The following PRIMA1 variants were observed in gnomAD, a reference collection of about 807,000 sequenced individuals.
The protein encoded by PRIMA1 is proline rich membrane anchor 1.
A neutral mutation model predicts 17.5 loss-of-function variants in PRIMA1; 7 were observed. The ratio of observed to expected loss-of-function variants is 0.40; its 90% CI spans 0.23 to 0.75. PRIMA1 has a LOEUF of 0.75. Among genes scored for constraint, PRIMA1 ranks in the 30% least tolerant of loss-of-function variants. The probability of loss-of-function intolerance (pLI) is 0.37; values close to 1 mark genes in which losing one functional copy is unlikely to be tolerated. For missense variants in PRIMA1, 200 were observed against 201.8 expected (o/e 0.99, Z 0.05); for synonymous variants, 97 against 77.9 (o/e 1.25, Z -1.29).
intron 3 of PRIMA1, among the ~76,000 whole-genome samples, chr14:93,741,204 C>T (rs977520870): frequency 6.6e-6 from 1 of 152,232 alleles, no homozygotes; most frequent in African/African-American, 2.4e-5. Flanking sequence ...GCTTATTTAT[C>T]CTTGCTTGAG....
chr14:93,756,928 C>T (rs1315044398), intron 3 of PRIMA1, among the ~76,000 whole-genome samples: 1 of 152,168 alleles, frequency 6.6e-6, no homozygotes, highest in Admixed American at 6.5e-5. Flanking sequence ...CTGCCCTCCA[C>T]GGTACCCAGG....
chr14:93,777,182 T>C (rs1885243384), intron 3 of PRIMA1, among the ~76,000 whole-genome samples: 1 of 152,236 alleles, frequency 6.6e-6, no homozygotes, highest in Non-Finnish European at 1.5e-5. Flanking sequence ...GAGGCCCTTC[T>C]AGGTCCTCCT....
intron 4 of PRIMA1, among the ~76,000 whole-genome samples, chr14:93,722,396 T>C (rs934221730): frequency 2.0e-5 from 3 of 148,374 alleles, no homozygotes; most frequent in Admixed American, 6.7e-5. Flanking sequence ...ATGGTGGTAG[T>C]GGTGATGCTG....
chr14:93,769,532 CGT>C (rs1370220196), intron 3 of PRIMA1, among the ~76,000 whole-genome samples: 1 of 152,182 alleles, frequency 6.6e-6, no homozygotes, highest in African/African-American at 2.4e-5. Context: ...TGACATGGCC[CGT>C]GTTTGATGCC....
At chr14:93,750,080 G>A (rs2141171599) in intron 3 of PRIMA1, among the ~76,000 whole-genome samples, 2 of 152,244 alleles carry the variant, frequency 1.3e-5, no homozygotes, top group East Asian at 3.9e-4. Context: ...TACTTGGGAG[G>A]CTGAGGCAGG....
chr14:93,733,981 C>T (rs1319081512), intron 4 of PRIMA1, among the ~76,000 whole-genome samples: 1 of 152,184 alleles, frequency 6.6e-6, no homozygotes, highest in Non-Finnish European at 1.5e-5. Flanking sequence ...GGGGTTAGGC[C>T]GCCCTCCCCA....
chr14:93,759,746 A>G (rs2076315412), intron 3 of PRIMA1, among the ~76,000 whole-genome samples: 2 of 152,178 alleles, frequency 1.3e-5, no homozygotes, highest in African/African-American at 4.8e-5. Flanking sequence ...TGAGAAGGCA[A>G]GTGGCAGCTC....
At chr14:93,788,919 C>T (rs903682220), upstream of PRIMA1, among the ~76,000 whole-genome samples, 2 of 152,228 alleles carry the variant, frequency 1.3e-5, no homozygotes, top group African/African-American at 4.8e-5. Flanking sequence ...CTGGGGTGCC[C>T]GAGCTCTCTA....
At chr14:93,741,834 CCAG>C (rs2076186229) in intron 3 of PRIMA1, among the ~76,000 whole-genome samples, 1 of 152,092 alleles carries the variant, frequency 6.6e-6, no homozygotes, top group African/African-American at 2.4e-5. Flanking sequence ...CCTCTACCTC[CCAG>C]CCAAGATTCT....
chr14:93,780,353 CA>C (rs1351385810), intron 2 of PRIMA1, among the ~76,000 whole-genome samples: 2 of 152,226 alleles, frequency 1.3e-5, no homozygotes, highest in Non-Finnish European at 2.9e-5. Flanking sequence ...TCGCTGAGGG[CA>C]GAGCAGGCCT....
chr14:93,763,797 C>T (rs552052647), intron 3 of PRIMA1, among the ~76,000 whole-genome samples: 38 of 152,214 alleles, frequency 2.5e-4, no homozygotes, highest in Admixed American at 9.8e-4. Flanking sequence ...TCTCTTCTCC[C>T]GCCCCACGCT....
chr14:93,724,597 C>T (rs995302516), intron 4 of PRIMA1, among the ~76,000 whole-genome samples: 1 of 152,184 alleles, frequency 6.6e-6, no homozygotes, highest in Non-Finnish European at 1.5e-5. Flanking sequence ...GTGGGGGTGA[C>T]ATTTTCTTAC....
Position 93,769,313 on chromosome 14 carries a change from C to T in PRIMA1, c.229+9863G>A, listed in dbSNP as rs554498124. Among the ~76,000 whole-genome samples the T allele has an allele frequency of 8.5e-5, 13 of 152,272 alleles. No homozygotes were observed. In the East Asian group the frequency reaches 1.4e-3, roughly 16 times the overall value. On this transcript the variant is annotated intron_variant, in intron 3 of 4. Transcript: ENST00000393140. ...GATTTGCACAACCCACTTTGGAGGA[C>T]GGGAAAACTGAAGCTCAGAGAGGCT...
intron 3 of PRIMA1, among the ~76,000 whole-genome samples, chr14:93,775,906 C>T (rs777841863): frequency 1.3e-5 from 2 of 152,234 alleles, no homozygotes; most frequent in Non-Finnish European, 2.9e-5. Flanking sequence ...TCACATGGCC[C>T]GGGCCTGACC....
chr14:93,729,780 G>A (rs149313641), intron 4 of PRIMA1, among the ~76,000 whole-genome samples: 1 of 152,308 alleles, frequency 6.6e-6, no homozygotes, highest in African/African-American at 2.4e-5. Flanking sequence ...TCCTGGGAGT[G>A]TGTTATGCGC....
At chr14:93,735,989 C>G (rs1026700412) in intron 4 of PRIMA1, among the ~76,000 whole-genome samples, 1 of 152,184 alleles carries the variant, frequency 6.6e-6, no homozygotes, top group Non-Finnish European at 1.5e-5. Context: ...ACACCTGGCC[C>G]CACCTTGGTT....
intron 3 of PRIMA1, among the ~76,000 whole-genome samples, chr14:93,750,128 C>T (rs35908341): frequency 0.023 from 3,541 of 152,148 alleles, 147 homozygotes; most frequent in African/African-American, 0.081. Flanking sequence ...GCAGAGGTTG[C>T]AGTGTGCCGA....
At chr14:93,732,060 C>G (rs147096008) in intron 4 of PRIMA1, among the ~76,000 whole-genome samples, 12 of 152,242 alleles carry the variant, frequency 7.9e-5, no homozygotes, top group African/African-American at 2.7e-4. Context: ...CCTGAGACCA[C>G]GTATTGGTCT....
chr14:93,774,565 C>T (rs1277795153), intron 3 of PRIMA1, among the ~76,000 whole-genome samples: 2 of 152,232 alleles, frequency 1.3e-5, no homozygotes, highest in African/African-American at 4.8e-5. Flanking sequence ...CCTTGGGCTG[C>T]TAATTCTGGC....
Sources: gnomAD v4.1 joint callset for allele counts (sites outside exome capture counted in the v4.1 genomes callset) on GRCh38, gnomAD v4.1.1 for gene constraint, MANE v1.5 for transcripts, NCBI Gene and HGNC (gene_info 2026-07-23, HGNC 2026-07-21) for gene names.